Variants in DPYD observed in about 807,000 individuals in gnomAD.
DPYD encodes dihydropyrimidine dehydrogenase, also known as dihydropyrimidine dehydrogenase [NADP(+)].
A neutral mutation model predicts 116.2 loss-of-function variants in DPYD; 109 were observed. The observed-to-expected ratio is 0.94, with a 90% CI of 0.80 to 1.10. The LOEUF (loss-of-function observed/expected upper bound fraction) is 1.10. Ranked by LOEUF, DPYD falls within the 50% of genes least tolerant of loss-of-function variation. DPYD has a pLI of 0.00. For synonymous variants in DPYD, 440 were observed against 432.0 expected (o/e 1.02, Z -0.23); for missense variants, 1,302 against 1,254.5 (o/e 1.04, Z -0.57).
chr1:97,228,552 G>T (rs1328226708), intron 19 of DPYD, among the ~76,000 whole-genome samples: 1 of 152,120 alleles, frequency 6.6e-6, no homozygotes, highest in African/African-American at 2.4e-5. Flanking sequence ...ATGATGAATA[G>T]TGTATGAGAA....
chr1:97,666,248 T>C (rs143281536), intron 8 of DPYD, among the ~76,000 whole-genome samples: 2 of 152,188 alleles, frequency 1.3e-5, no homozygotes, highest in Admixed American at 6.5e-5. Context: ...TCACGGCTCA[T>C]TGCAGCCTTG....
In DPYD at chr1:97,450,230, A is replaced by G. The variant is rs1676336212; in HGVS notation, c.1741-7T>C. On this transcript the variant is annotated splice_polypyrimidine_tract_variant and splice_region_variant and intron_variant, in intron 13 of 22. Coordinates refer to ENST00000370192, the MANE Select transcript of DPYD (RefSeq NM_000110.4). The stretch of plus-strand genomic sequence containing the variant: ...AAACATTTGTCACAATGTCCTGATG[A>G]AAGAGTAAAGATATTGAGTCTCCTT... The G allele has an allele frequency of 3.1e-6, 5 of 1,613,308 alleles. No individual in the cohort carries two copies. The East Asian group carries it at 6.7e-5, about 22-fold the overall frequency.
Position 97,247,911 on chromosome 1 carries a change from G to A in DPYD, c.2300-12917C>T, listed in dbSNP as rs563660761. 5.3e-5 allele frequency among the ~76,000 whole-genome samples: 8 copies of A among 152,276 alleles called. No individual in the cohort carries two copies. In the East Asian group the frequency reaches 1.5e-3, roughly 29 times the overall value. On this transcript the variant is annotated intron_variant, in intron 18 of 22. Coordinates refer to ENST00000370192, the MANE Select transcript of DPYD (RefSeq NM_000110.4). ...GCAAACTGCAAGCCCAGATGGCTTC[G>A]CTGGTAAATTCTATTAAACTAAAGG...
chr1:97,080,372 A>G (rs890129303), intron 22 of DPYD, among the ~76,000 whole-genome samples: 2 of 152,164 alleles, frequency 1.3e-5, no homozygotes, highest in Admixed American at 6.6e-5. Flanking sequence ...GTGTATATAT[A>G]TATATAGTTG....
chr1:97,193,931 G>A (rs1658566248), intron 19 of DPYD, among the ~76,000 whole-genome samples: 1 of 152,096 alleles, frequency 6.6e-6, no homozygotes, highest in Non-Finnish European at 1.5e-5. Context: ...CTTCTTCAAG[G>A]AGGCTTCCAG....
chr1:97,688,155 A>T (rs935560573), intron 7 of DPYD, among the ~76,000 whole-genome samples: 2 of 152,244 alleles, frequency 1.3e-5, no homozygotes, highest in African/African-American at 4.8e-5. Context: ...AACTAAATTT[A>T]AAAAAGAGAC....
At chr1:97,465,751 T>G (rs1293864163) in intron 13 of DPYD, among the ~76,000 whole-genome samples, 1 of 152,190 alleles carries the variant, frequency 6.6e-6, no homozygotes. Context: ...CGGGTATGTC[T>G]TTATTAGCAG....
intron 2 of DPYD, chr1:97,856,309 AC>A (rs1338796755): frequency 6.6e-6 from 1 of 152,208 alleles, no homozygotes; most frequent in Admixed American, 6.5e-5. Context: ...GACTGTGTTT[AC>A]CCCATAAAGA....
At chr1:97,152,536 C>A (rs1655107078) in intron 20 of DPYD, among the ~76,000 whole-genome samples, 1 of 150,506 alleles carries the variant, frequency 6.6e-6, no homozygotes, top group Non-Finnish European at 1.5e-5. Flanking sequence ...ATAAATATAT[C>A]TATTAAATTA....
chr1:97,338,543 C>A (rs1669421053), intron 16 of DPYD, among the ~76,000 whole-genome samples: 1 of 152,158 alleles, frequency 6.6e-6, no homozygotes, highest in South Asian at 2.1e-4. Flanking sequence ...TCACACAGTC[C>A]TTCAGGAGGT....
At chr1:97,116,102 A>G (rs1171495069) in intron 20 of DPYD, among the ~76,000 whole-genome samples, 1 of 152,198 alleles carries the variant, frequency 6.6e-6, no homozygotes, top group African/African-American at 2.4e-5. Flanking sequence ...TGCAGCTCTC[A>G]AAGAAGAAAT....
chr1:97,597,708 A>T (rs1654978530), intron 8 of DPYD, among the ~76,000 whole-genome samples: 1 of 152,182 alleles, frequency 6.6e-6, no homozygotes, highest in African/African-American at 2.4e-5. Flanking sequence ...GGAAGGAGAA[A>T]TTCTGTCTTA....
At chr1:97,607,293 G>A (rs912321914) in intron 8 of DPYD, among the ~76,000 whole-genome samples, 2 of 151,806 alleles carry the variant, frequency 1.3e-5, no homozygotes, top group South Asian at 2.1e-4. Flanking sequence ...TATCTCAATA[G>A]CCTATACGTC....
chr1:97,468,714 G>C (rs758768407), intron 13 of DPYD, among the ~76,000 whole-genome samples: 2 of 152,178 alleles, frequency 1.3e-5, no homozygotes, highest in Non-Finnish European at 2.9e-5. Flanking sequence ...GACCCACGGG[G>C]CTATCATTTG....
chr1:97,764,449 G>C (rs1278087406), intron 3 of DPYD, among the ~76,000 whole-genome samples: 1 of 151,908 alleles, frequency 6.6e-6, no homozygotes, highest in Admixed American at 6.6e-5. Context: ...TTAGTACAAA[G>C]GTGACATTAC....
intron 1 of DPYD, among the ~76,000 whole-genome samples, chr1:97,906,810 ATT>A (rs1673648078): frequency 6.6e-6 from 1 of 152,078 alleles, no homozygotes. Flanking sequence ...GGGACAGAAG[ATT>A]CATTCTTACC....
chr1:97,215,439 T>C (rs1276230790), intron 19 of DPYD, among the ~76,000 whole-genome samples: 1 of 152,168 alleles, frequency 6.6e-6, no homozygotes. Flanking sequence ...CCATATTATT[T>C]ATGATTACAA....
chr1:97,196,381 G>T (rs990895685), intron 19 of DPYD, among the ~76,000 whole-genome samples: 2 of 152,100 alleles, frequency 1.3e-5, no homozygotes, highest in Non-Finnish European at 2.9e-5. Context: ...TCCCACAAAT[G>T]CTGGGATTAC....
At chr1:97,530,214 CTTTTTTTTTTTT>C (rs57740723) in intron 12 of DPYD, among the ~76,000 whole-genome samples, 6 of 112,696 alleles carry the variant, frequency 5.3e-5, no homozygotes, top group Admixed American at 2.0e-4. Flanking sequence ...CTTTTTTTTT[CTTTTTTTTTTTT>C]TTTTTTTTTG....
Sources: allele counts gnomAD v4.1 joint callset (sites outside exome capture counted in the v4.1 genomes callset), GRCh38; gene constraint gnomAD v4.1.1; transcripts MANE v1.5; gene names NCBI Gene and HGNC (gene_info 2026-07-23, HGNC 2026-07-21).